DAAM2: variants seen among roughly 807,000 people sequenced by gnomAD.
DAAM2 encodes the protein disheveled-associated activator of morphogenesis 2.
Under a neutral mutation model 120.7 loss-of-function variants are expected in DAAM2, and 39 were observed. The ratio of observed to expected loss-of-function variants is 0.32; its 90% confidence interval spans 0.25 to 0.42. The LOEUF (loss-of-function observed/expected upper bound fraction) is 0.42. DAAM2 is among the 10% of genes least tolerant of loss of function. The probability of loss-of-function intolerance (pLI) is 1.00; values close to 1 mark genes in which losing one functional copy is unlikely to be tolerated. For synonymous variants in DAAM2, 488 were observed against 524.9 expected, an observed-to-expected ratio of 0.93 and a Z score of 0.96; for missense variants, 1,283 against 1,401.7, an observed-to-expected ratio of 0.92 and a Z score of 1.35.
chr6:39,899,148 A>C, intron 22 of DAAM2: 1 of 564,504 alleles, frequency 1.8e-6, no homozygotes. Context: ...TTACTGTCCA[A>C]CTTGGTATCT....
chr6:39,868,550 C>A, intron 6 of DAAM2: 1 of 432,038 alleles, frequency 2.3e-6, no homozygotes, highest in Non-Finnish European at 4.2e-6. Context: ...GATGATAAAG[C>A]AGCACTGAAG....
intron 1 of DAAM2, among the ~76,000 whole-genome samples, chr6:39,816,044 G>A (rs748817005): frequency 1.3e-5 from 2 of 152,218 alleles, no homozygotes; most frequent in Non-Finnish European, 2.9e-5. Context: ...TAGCAATGAA[G>A]ATTTATTTTT....
In DAAM2 at chr6:39,901,321, A is replaced by C; in HGVS notation, c.2831A>C (p.His944Pro). Residue 944 changes from histidine (H) to proline (P), a missense_variant, in exon 24 of 25, where the codon CAC (histidine) becomes CCC (proline). His to Pro is a moderately conservative substitution (Grantham distance 77, BLOSUM62 -2). Coordinates refer to ENST00000274867, the MANE Select transcript of DAAM2 (RefSeq NM_001201427.2). The surrounding 1 kb of genome is among the most constrained non-coding windows in gnomAD (Gnocchi z 4.5). The part of the protein sequence containing the change: ...ARDKFAKALM[H>P]FGEHDSKMQP... ...TGACAGTTCGCCAAGGCCTTGATGC[A>C]CTTCGGGGAGCATGACAGCAAGATG... The C allele has an allele frequency of 6.2e-7, 1 of 1,613,876 alleles. No individual in the cohort carries two copies. The highest frequency in any genetic ancestry group is 8.5e-7 in the Non-Finnish European group (1 of 1,179,838).
rs571308171 is a variant in DAAM2 at position 39,899,835 on chromosome 6, T to C, written c.2680-242T>C. The C allele has an allele frequency of 7.0e-5, 26 of 373,468 alleles. No individual in the cohort carries two copies. In the South Asian group the frequency reaches 1.0e-3, roughly 15 times the overall value. 23.1% of individuals were successfully genotyped at this position (373,468 alleles called of 1,614,324 possible). A position where few individuals can be genotyped will look rare whatever the true frequency, so the allele number is the denominator to read the frequency against. Reference sequence around the variant, plus strand: ...TCTGTATTTCTCATAATTTCCTAGGTGATGCTGCTGGCCCCAGGTCACATG... The same window carrying C: ...TCTGTATTTCTCATAATTTCCTAGGCGATGCTGCTGGCCCCAGGTCACATG... On this transcript the variant is annotated intron_variant, in intron 22 of 24. Transcript: ENST00000274867.
intron 1 of DAAM2, among the ~76,000 whole-genome samples, chr6:39,800,584 T>C (rs1249391605): frequency 5.3e-5 from 8 of 152,204 alleles, no homozygotes; most frequent in Admixed American, 5.2e-4. Context: ...CTTTGAGGAC[T>C]GAGTCCCCAG....
chr6:39,885,480 C>G (rs1202623464), intron 15 of DAAM2: 1 of 152,228 alleles, frequency 6.6e-6, no homozygotes, highest in Admixed American at 6.5e-5. Flanking sequence ...AGGACTCTGG[C>G]CCAGCCTACT....
At chr6:39,800,666 C>T (rs1181180332) in intron 1 of DAAM2, among the ~76,000 whole-genome samples, 3 of 152,202 alleles carry the variant, frequency 2.0e-5, no homozygotes, top group Non-Finnish European at 4.4e-5. Context: ...GTGTCAGGCA[C>T]TCCTGTCCAT....
rs368410153 is a variant in DAAM2, at chr6:39,888,775, C to T, written c.2145+12C>T. On this transcript the variant is annotated intron_variant, in intron 17 of 24. Coordinates refer to ENST00000274867, the MANE Select transcript of DAAM2 (RefSeq NM_001201427.2). ...ACATGCTGGAGCAGGTGAGGACCCT[C>T]GTGGGAAGGAAGGGGAACTGAACCC... The T allele has an allele frequency of 1.3e-4, 216 of 1,607,252 alleles. No individual in the cohort carries two copies. The African/African-American group carries it at 2.1e-3, about 16-fold the overall frequency.
chr6:39,807,399 A>G (rs958757846), intron 1 of DAAM2, among the ~76,000 whole-genome samples: 24 of 152,254 alleles, frequency 1.6e-4, no homozygotes, highest in Non-Finnish European at 2.8e-4. Context: ...AACAACCATA[A>G]AATTCAGAGA....
intron 1 of DAAM2, among the ~76,000 whole-genome samples, chr6:39,828,317 G>A (rs1419605349): frequency 6.6e-6 from 1 of 152,176 alleles, no homozygotes; most frequent in Non-Finnish European, 1.5e-5. Context: ...CTGCTCCTAA[G>A]GTGGTGTTTT....
At position 39,901,423 on chromosome 6, in the gene DAAM2, T is replaced by TGAGGAGGAGGAAG; in HGVS notation, c.2945_2957dup (p.Arg987GlyfsTer20). Reference sequence around the variant, plus strand: ...GAGGCCCGGCAGGATCTAGAGGCCATGAGGAGGAGGAAGGAGGAGGAGGAG... The same window carrying TGAGGAGGAGGAAG: ...GAGGCCCGGCAGGATCTAGAGGCCATGAGGAGGAGGAAGGAGGAGGAGGAAGGAGGAGGAGGAG... On this transcript the variant is annotated frameshift_variant, in exon 24 of 25. Transcript: ENST00000274867. LOFTEE classifies it high-confidence loss of function. This position sits in a 1 kb window ranked among gnomAD's most constrained non-coding sequence, Gnocchi z 4.5. 1.2e-6 allele frequency: 2 copies of TGAGGAGGAGGAAG among 1,612,708 alleles called. No homozygotes were observed. Among genetic ancestry groups the TGAGGAGGAGGAAG allele is most frequent in the Non-Finnish European group, 8.5e-7 (1 of 1,179,690 alleles).
chr6:39,875,309 A>G (rs1195920722), intron 10 of DAAM2, 21 bp from the exon 11 acceptor site: 3 of 1,611,034 alleles, frequency 1.9e-6, no homozygotes, highest in Non-Finnish European at 2.5e-6. Context: ...CAGGAAAGAT[A>G]TGATACCTGT....
intron 1 of DAAM2, among the ~76,000 whole-genome samples, chr6:39,815,166 G>T (rs561131064): frequency 3.3e-4 from 51 of 152,338 alleles, no homozygotes; most frequent in African/African-American, 1.2e-3. Flanking sequence ...TCAAGCTCAC[G>T]TGGTGATCCT....
At chr6:39,844,367 G>C (rs1763478270) in intron 1 of DAAM2, among the ~76,000 whole-genome samples, 1 of 150,730 alleles carries the variant, frequency 6.6e-6, no homozygotes. Flanking sequence ...AGTTACATCT[G>C]CTGGACACAC....
At chr6:39,841,289 G>T (rs1173430866) in intron 1 of DAAM2, among the ~76,000 whole-genome samples, 3 of 122,278 alleles carry the variant, frequency 2.5e-5, no homozygotes, top group Non-Finnish European at 4.9e-5. Flanking sequence ...CCAGGGTAGA[G>T]GGAACTCCTT....
chr6:39,795,177 A>G (rs1241542286), intron 1 of DAAM2, among the ~76,000 whole-genome samples: 1 of 152,226 alleles, frequency 6.6e-6, no homozygotes, highest in African/African-American at 2.4e-5. Context: ...CTCTTTGGTC[A>G]TCTTTGAGAT....
At chr6:39,820,148 G>A (rs549905392) in intron 1 of DAAM2, 1 of 151,170 alleles carries the variant, frequency 6.6e-6, no homozygotes, top group East Asian at 2.0e-4. Flanking sequence ...GTGAGTGGCA[G>A]CGTGCTGGAG....
intron 1 of DAAM2, among the ~76,000 whole-genome samples, chr6:39,795,821 G>C (rs952668867): frequency 5.3e-5 from 8 of 152,172 alleles, no homozygotes; most frequent in South Asian, 4.1e-4. Flanking sequence ...GAAGAAACCA[G>C]GGATCCTGGA....
At position 39,875,315 on chromosome 6, in the gene DAAM2, C is replaced by A. The variant is rs568702804; in HGVS notation, c.1163-15C>A. 6.2e-7 allele frequency: 1 copy of A among 1,611,774 alleles called. No homozygotes were observed. ...TTCAGGACTCAGGAAAGATATGATA[C>A]CTGTCATCCCTCAGACAAACGGAAC... On this transcript the variant is annotated splice_polypyrimidine_tract_variant and intron_variant, in intron 10 of 24. Coordinates refer to ENST00000274867, the MANE Select transcript of DAAM2 (RefSeq NM_001201427.2).
Sources: gnomAD v4.1 joint callset for allele counts (sites outside exome capture counted in the v4.1 genomes callset) on GRCh38, gnomAD v4.1.1 for gene constraint, Gnocchi (gnomAD v3.1) non-coding constraint, MANE v1.5 for transcripts, NCBI Gene and HGNC (gene_info 2026-07-23, HGNC 2026-07-21) for gene names.